EPHA6: variants seen among roughly 807,000 people sequenced by gnomAD.
EPHA6 encodes EPH receptor A6, also known as ephrin type-A receptor 6.
A neutral mutation model predicts 112.0 loss-of-function variants in EPHA6; 50 were observed. The observed-to-expected ratio is 0.45, with a 90% CI of 0.36 to 0.56. The LOEUF is 0.56. Among genes scored for constraint, EPHA6 ranks in the 20% least tolerant of loss-of-function variants. EPHA6 has a pLI of 0.00. For missense variants in EPHA6, 1,280 were observed against 1,417.4 expected, an observed-to-expected ratio of 0.90 and a Z score of 1.56; for synonymous variants, 529 against 490.7, an observed-to-expected ratio of 1.08 and a Z score of -1.03.
intron 12 of EPHA6, among the ~76,000 whole-genome samples, chr3:97,595,018 C>T (rs560958460): frequency 7.2e-5 from 11 of 152,260 alleles, no homozygotes; most frequent in East Asian, 5.8e-4. Flanking sequence ...AAAAGAGATA[C>T]GTGACTATGT....
chr3:96,818,136 T>G (rs1434749632), intron 1 of EPHA6, among the ~76,000 whole-genome samples: 4 of 152,030 alleles, frequency 2.6e-5, no homozygotes, highest in African/African-American at 9.6e-5. Flanking sequence ...CATTTCATCT[T>G]TTCAAGGAAT....
intron 16 of EPHA6, among the ~76,000 whole-genome samples, chr3:97,740,774 G>C (rs971247413): frequency 4.6e-5 from 7 of 152,004 alleles, no homozygotes; most frequent in African/African-American, 1.7e-4. Flanking sequence ...CCAACATTTT[G>C]ATATAAAATT....
intron 5 of EPHA6, among the ~76,000 whole-genome samples, chr3:97,259,236 T>G (rs1043955969): frequency 6.6e-6 from 1 of 152,156 alleles, no homozygotes; most frequent in African/African-American, 2.4e-5. Flanking sequence ...AGTTGGCATT[T>G]GAAAAAAAAT....
intron 5 of EPHA6, among the ~76,000 whole-genome samples, chr3:97,342,346 GTAAAGAA>G (rs1176329111): frequency 6.6e-6 from 1 of 152,156 alleles, no homozygotes; most frequent in Non-Finnish European, 1.5e-5. Context: ...CACTATCATA[GTAAAGAA>G]ACAGAACACT....
At chr3:97,122,539 A>C (rs1180627805) in intron 3 of EPHA6, among the ~76,000 whole-genome samples, 1 of 152,076 alleles carries the variant, frequency 6.6e-6, no homozygotes, top group East Asian at 1.9e-4. Flanking sequence ...AAAGAAAAAA[A>C]CACTACAAAT....
chr3:97,675,388 G>A (rs2031268916), intron 14 of EPHA6, among the ~76,000 whole-genome samples: 1 of 152,146 alleles, frequency 6.6e-6, no homozygotes, highest in Non-Finnish European at 1.5e-5. Context: ...GCTGAGGCAG[G>A]AGAATCACTT....
chr3:97,276,027 G>T (rs1183793361), intron 5 of EPHA6, among the ~76,000 whole-genome samples: 1 of 152,174 alleles, frequency 6.6e-6, no homozygotes, highest in Admixed American at 6.5e-5. Context: ...TGGCAGCAGA[G>T]TTGGGGAGTT....
Position 97,745,845 on chromosome 3 carries a change from G to A in EPHA6, c.3129-1578G>A, listed in dbSNP as rs142141165. ...AGGATTTTTAAGGGTAATTTTGATG[G>A]TTAGGGAATTTCAGTTTTTACCTTA... On this transcript the variant is annotated intron_variant, in intron 16 of 17. Coordinates refer to ENST00000389672, the MANE Select transcript of EPHA6 (RefSeq NM_001080448.3). Among the ~76,000 whole-genome samples the A allele has an allele frequency of 1.2e-4, 18 of 151,836 alleles. No individual in the cohort carries two copies. In the East Asian group the frequency reaches 3.1e-3, roughly 26 times the overall value.
chr3:97,753,004 T>A lies in EPHA6; in HGVS notation c.*4303T>A, dbSNP rs372672749. ...TTTTAATATTTTTTAATATGAAGAC[T>A]CCAAAAGGTAGAGGAGTACACTGGG... On this transcript the variant is annotated 3_prime_UTR_variant, in exon 18 of 18. Coordinates refer to ENST00000389672, the MANE Select transcript of EPHA6 (RefSeq NM_001080448.3). 1.3e-3 allele frequency among the ~76,000 whole-genome samples: 195 copies of A among 152,212 alleles called. 1 individual carries two copies. Among genetic ancestry groups the A allele is most frequent in the African/African-American group, 4.5e-3 (188 of 41,564 alleles).
chr3:97,153,995 A>T (rs2076230247), intron 3 of EPHA6, among the ~76,000 whole-genome samples: 1 of 151,834 alleles, frequency 6.6e-6, no homozygotes, highest in African/African-American at 2.4e-5. Flanking sequence ...GCGAAATCCC[A>T]TCTCTACTGA....
intron 13 of EPHA6, chr3:97,612,303 A>T: frequency 2.9e-6 from 1 of 341,750 alleles, no homozygotes; most frequent in Non-Finnish European, 5.8e-6. Context: ...ATACATATCA[A>T]AATGACTCAT....
rs192139329 is a variant in EPHA6 at position 97,150,320 on chromosome 3, G to A, written c.1115-75944G>A. Among the ~76,000 whole-genome samples the A allele has an allele frequency of 3.3e-5, 5 of 151,994 alleles. No individual in the cohort carries two copies. In the East Asian group the frequency reaches 9.7e-4, roughly 29 times the overall value. The stretch of plus-strand genomic sequence containing the variant: ...TATCATCTAAGTTTCCTTTGTTTCG[G>A]GCTTTTTTGAAGACGTTTGTATAGC... On this transcript the variant is annotated intron_variant, in intron 3 of 17. Coordinates refer to ENST00000389672, the MANE Select transcript of EPHA6 (RefSeq NM_001080448.3).
At chr3:97,673,161 T>C (rs564008586) in intron 14 of EPHA6, among the ~76,000 whole-genome samples, 1 of 152,322 alleles carries the variant, frequency 6.6e-6, no homozygotes, top group Non-Finnish European at 1.5e-5. Flanking sequence ...CACCAGCAGT[T>C]TCTGTTTCCT....
At chr3:97,438,421 C>T (rs922077555) in intron 6 of EPHA6, among the ~76,000 whole-genome samples, 5 of 152,158 alleles carry the variant, frequency 3.3e-5, no homozygotes, top group Non-Finnish European at 7.4e-5. Context: ...TGTAGAAGCA[C>T]TATATGCTAG....
chr3:97,353,679 A>G (rs1358871749), intron 5 of EPHA6, among the ~76,000 whole-genome samples: 2 of 152,138 alleles, frequency 1.3e-5, no homozygotes, highest in South Asian at 2.1e-4. Flanking sequence ...TTCTGGACCT[A>G]CCATGGGCCA....
chr3:97,571,052 T>G (rs550025823), intron 11 of EPHA6, among the ~76,000 whole-genome samples: 13 of 152,266 alleles, frequency 8.5e-5, no homozygotes, highest in Non-Finnish European at 1.2e-4. Context: ...AAGAGGAGTC[T>G]GAAACTGGAA....
intron 1 of EPHA6, among the ~76,000 whole-genome samples, chr3:96,847,661 C>G (rs1312440724): frequency 1.3e-5 from 2 of 151,982 alleles, no homozygotes; most frequent in Non-Finnish European, 2.9e-5. Context: ...GAGAATTATA[C>G]AAGAAGTTAT....
chr3:97,037,748 GAAT>G (rs990793745), intron 3 of EPHA6, among the ~76,000 whole-genome samples: 10 of 152,170 alleles, frequency 6.6e-5, no homozygotes, highest in African/African-American at 2.2e-4. Flanking sequence ...ATACTGGACA[GAAT>G]AAAGGCAGTG....
At chr3:97,512,335 G>A (rs1483613068) in intron 10 of EPHA6, among the ~76,000 whole-genome samples, 1 of 152,040 alleles carries the variant, frequency 6.6e-6, no homozygotes, top group Non-Finnish European at 1.5e-5. Flanking sequence ...TAAACTTTCA[G>A]TATATTAAAA....
Sources: gnomAD v4.1 joint callset for allele counts (sites outside exome capture counted in the v4.1 genomes callset) on GRCh38, gnomAD v4.1.1 for gene constraint, MANE v1.5 for transcripts, NCBI Gene and HGNC (gene_info 2026-07-23, HGNC 2026-07-21) for gene names.